Variants in CRYBG3 observed in about 807,000 individuals in gnomAD.
The protein encoded by CRYBG3 is very large A-kinase anchor protein.
CRYBG3 carries 127 observed loss-of-function variants against 244.2 expected under a neutral mutation model. The observed-to-expected ratio is 0.52, with a 90% confidence interval of 0.45 to 0.60. The LOEUF (loss-of-function observed/expected upper bound fraction) is 0.60, where lower values mean the gene tolerates loss of function less well. Ranked by LOEUF, CRYBG3 falls within the 20% of genes least tolerant of loss-of-function variation. The probability of loss-of-function intolerance (pLI) is 0.00; values close to 1 mark genes in which losing one functional copy is unlikely to be tolerated. For synonymous variants in CRYBG3, 1,132 were observed against 1,195.8 expected (o/e 0.95, Z 1.10); for missense variants, 3,325 against 3,442.5 (o/e 0.97, Z 0.85).
intron 2 of CRYBG3, among the ~76,000 whole-genome samples, chr3:97,853,819 C>G (rs950416508): frequency 5.4e-5 from 8 of 148,878 alleles, no homozygotes; most frequent in African/African-American, 2.0e-4. Context: ...TTTGCATTTC[C>G]CTGATAATTA....
At chr3:97,906,609 T>G (rs2039777812) in intron 15 of CRYBG3, among the ~76,000 whole-genome samples, 1 of 141,400 alleles carries the variant, frequency 7.1e-6, no homozygotes, top group Non-Finnish European at 1.5e-5. Flanking sequence ...TCCTGAGACT[T>G]TGCTGAAGTT....
chr3:97,892,730 A>G, intron 10 of CRYBG3, 130 bp from the exon 11 acceptor site: 3 of 526,162 alleles, frequency 5.7e-6, no homozygotes, highest in Non-Finnish European at 9.6e-6. Flanking sequence ...TTTTCCATGA[A>G]CTTTTTGAAA....
intron 1 of CRYBG3, among the ~76,000 whole-genome samples, chr3:97,826,726 A>C (rs1160354948): frequency 6.6e-6 from 1 of 152,224 alleles, no homozygotes; most frequent in East Asian, 1.9e-4. Flanking sequence ...TTTGTGTCTC[A>C]TATGGTGCAA....
rs2039378391 is a variant in CRYBG3 at position 97,876,804 on chromosome 3, G to A, written c.5610G>A (p.Glu1870=). Residue 1870 remains glutamate (E), a synonymous_variant, in exon 4 of 22, where the codon GAG becomes GAA. Transcript: ENST00000389622. The part of the protein sequence containing the change: ...HKVLPAVVDI[E]KIHGTGLELT... ...TGTTACCCGCAGTGGTAGACATTGAGAAAATACATGGAACAGGACTAGAAT... is the reference window on the plus strand; with the variant it reads ...TGTTACCCGCAGTGGTAGACATTGAAAAAATACATGGAACAGGACTAGAAT... The A allele has an allele frequency of 5.4e-6, 7 of 1,298,942 alleles. No individual in the cohort carries two copies. Among genetic ancestry groups the A allele is most frequent in the Non-Finnish European group, 6.8e-6 (7 of 1,026,470 alleles). 80.5% of individuals were successfully genotyped at this position (1,298,942 alleles called of 1,614,324 possible). A position where few individuals can be genotyped will look rare whatever the true frequency, so the allele number is the denominator to read the frequency against.
intron 1 of CRYBG3, among the ~76,000 whole-genome samples, chr3:97,825,598 C>G (rs1241455507): frequency 6.6e-6 from 1 of 152,190 alleles, no homozygotes; most frequent in Non-Finnish European, 1.5e-5. Context: ...GAACTGGACT[C>G]TTTTGTCCTT....
intron 3 of CRYBG3, among the ~76,000 whole-genome samples, chr3:97,868,653 A>T (rs1325976052): frequency 3.3e-5 from 5 of 152,204 alleles, no homozygotes; most frequent in Non-Finnish European, 5.9e-5. Context: ...GCCCTAAAAA[A>T]TATAAAACAA....
chr3:97,937,665 G>C (rs954120732), intron 19 of CRYBG3, among the ~76,000 whole-genome samples: 1 of 151,956 alleles, frequency 6.6e-6, no homozygotes, highest in Non-Finnish European at 1.5e-5. Context: ...TTGGATCGGG[G>C]TCTCTCCCAC....
rs1449427219 is a variant in CRYBG3, at chr3:97,864,672, A to G, written c.647+25A>G. 27 of 1,417,866 alleles carry G rather than the reference A, an allele frequency of 1.9e-5. No individual in the cohort carries two copies. In the Admixed American group the frequency reaches 6.9e-4, roughly 36 times the overall value. The allele number at this position is 1,417,866 out of a possible 1,614,324, so 87.8% of individuals were successfully genotyped here. On this transcript the variant is annotated intron_variant, in intron 3 of 21. Transcript: ENST00000389622. The stretch of plus-strand genomic sequence containing the variant: ...AGTAAGTTTAAAATTTCATTGAACC[A>G]AAAAAAATTGAGCTTTTTGGACCTA...
intron 19 of CRYBG3, among the ~76,000 whole-genome samples, chr3:97,937,514 T>A (rs2040177641): frequency 6.6e-6 from 1 of 152,018 alleles, no homozygotes; most frequent in African/African-American, 2.4e-5. Flanking sequence ...TGACTAGTCA[T>A]CCCTGTAAAT....
At position 97,875,852 on chromosome 3, in the gene CRYBG3, A is replaced by G; in HGVS notation, c.4658A>G (p.Asp1553Gly). 8.1e-7 allele frequency: 1 copy of G among 1,232,062 alleles called. No individual in the cohort carries two copies. The highest frequency in any genetic ancestry group is 1.0e-6 in the Non-Finnish European group (1 of 987,912). The allele number at this position is 1,232,062 out of a possible 1,614,324, so 76.3% of individuals were successfully genotyped here. A position where few individuals can be genotyped will look rare whatever the true frequency, so the allele number is the denominator to read the frequency against. Reference sequence around the variant, plus strand: ...GAAACAGGGAAAACAAACAAAAAGGATGCTGAATTGAATATTCTGAAATAT... The same window carrying G: ...GAAACAGGGAAAACAAACAAAAAGGGTGCTGAATTGAATATTCTGAAATAT... ...MLETGKTNKK[D>G]AELNILKYEA... The change falls in exon 4 of 22, where the codon GAT (aspartate) becomes GGT (glycine). Residue 1553 changes from aspartate (D) to glycine (G), a missense_variant. Asp to Gly is a moderately conservative substitution (Grantham distance 94). Coordinates refer to ENST00000389622, the MANE Select transcript of CRYBG3 (RefSeq NM_153605.4).
At chr3:97,933,179 C>T in intron 17 of CRYBG3, 1 of 438,106 alleles carries the variant, frequency 2.3e-6, no homozygotes, top group Admixed American at 2.7e-5. Context: ...ACTTTTAATG[C>T]AGAAATCACC....
chr3:97,878,839 A>T (rs961209853), intron 4 of CRYBG3, among the ~76,000 whole-genome samples: 1 of 152,218 alleles, frequency 6.6e-6, no homozygotes, highest in Non-Finnish European at 1.5e-5. Flanking sequence ...ATAGCTGGAA[A>T]ATGTTTTAAA....
At chr3:97,899,425 G>C (rs2039678376) in intron 14 of CRYBG3, among the ~76,000 whole-genome samples, 162 bp downstream of exon 14, 2 of 152,186 alleles carry the variant, frequency 1.3e-5, no homozygotes, top group African/African-American at 4.8e-5. Context: ...ATAGACAGTA[G>C]TAGATATTAA....
intron 14 of CRYBG3, 22 bp downstream of exon 14, chr3:97,899,285 C>T (rs935186964): frequency 8.1e-6 from 13 of 1,604,146 alleles, no homozygotes; most frequent in Non-Finnish European, 1.1e-5. Context: ...ATGAACATAG[C>T]CAGTGCTGCA....
intron 15 of CRYBG3, among the ~76,000 whole-genome samples, chr3:97,908,940 C>A (rs2039825498): frequency 6.6e-6 from 1 of 151,958 alleles, no homozygotes; most frequent in African/African-American, 2.4e-5. Flanking sequence ...TAGGGCAGGC[C>A]TGGTGGTGAC....
intron 15 of CRYBG3, among the ~76,000 whole-genome samples, chr3:97,903,365 A>T (rs1303794415): frequency 6.6e-6 from 1 of 152,208 alleles, no homozygotes; most frequent in Non-Finnish European, 1.5e-5. Flanking sequence ...AATCACAGAA[A>T]TACTTAGGAA....
At chr3:97,869,284 CTTA>C (rs2039273302) in intron 3 of CRYBG3, among the ~76,000 whole-genome samples, 1 of 152,014 alleles carries the variant, frequency 6.6e-6, no homozygotes, top group South Asian at 2.1e-4. Flanking sequence ...AATGTTTAAT[CTTA>C]TTATCATATA....
chr3:97,894,226 G>A (rs1443282618), intron 11 of CRYBG3, among the ~76,000 whole-genome samples: 1 of 152,004 alleles, frequency 6.6e-6, no homozygotes, highest in Non-Finnish European at 1.5e-5. Flanking sequence ...ATTTTCTACT[G>A]CACAGAAAAT....
chr3:97,905,415 G>A (rs952409770), intron 15 of CRYBG3, among the ~76,000 whole-genome samples: 1 of 151,512 alleles, frequency 6.6e-6, no homozygotes, highest in African/African-American at 2.4e-5. Flanking sequence ...GTTGTTTCCT[G>A]ACTTTTTAAT....
Sources: gnomAD v4.1 joint callset for allele counts (sites outside exome capture counted in the v4.1 genomes callset) on GRCh38, gnomAD v4.1.1 for gene constraint, MANE v1.5 for transcripts, NCBI Gene and HGNC (gene_info 2026-07-23, HGNC 2026-07-21) for gene names.